KIF6: variants seen among roughly 807,000 people sequenced by gnomAD.
KIF6 encodes the protein kinesin family member 6.
KIF6 carries 106 observed loss-of-function variants against 112.7 expected under a neutral mutation model. The observed-to-expected ratio is 0.94, with a 90% CI of 0.80 to 1.11. The LOEUF (loss-of-function observed/expected upper bound fraction) is 1.11. Among genes scored for constraint, KIF6 ranks in the 50% least tolerant of loss-of-function variants. The pLI, the probability that KIF6 is intolerant of heterozygous loss-of-function variation, is 0.00. For missense variants in KIF6, 929 were observed against 964.0 expected, an observed-to-expected ratio of 0.96 and a Z score of 0.48; for synonymous variants, 339 against 339.9, an observed-to-expected ratio of 1.00 and a Z score of 0.03.
At chr6:39,703,206 AG>A (rs1328067567) in intron 3 of KIF6, among the ~76,000 whole-genome samples, 2 of 150,038 alleles carry the variant, frequency 1.3e-5, no homozygotes, top group Admixed American at 6.6e-5. Flanking sequence ...GACTGAACAA[AG>A]CCCACTGATT....
At chr6:39,382,445 T>A (rs1228599968) in intron 16 of KIF6, among the ~76,000 whole-genome samples, 7 of 152,218 alleles carry the variant, frequency 4.6e-5, no homozygotes, top group African/African-American at 1.7e-4. Flanking sequence ...CTGCGTTAAT[T>A]CATTTGGGAT....
chr6:39,525,724 G>A (rs1163529396), intron 13 of KIF6, among the ~76,000 whole-genome samples: 2 of 152,034 alleles, frequency 1.3e-5, no homozygotes, highest in Admixed American at 6.6e-5. Flanking sequence ...CCTGGGAGGC[G>A]TAAGTTGCAG....
intron 6 of KIF6, among the ~76,000 whole-genome samples, chr6:39,600,507 C>T (rs1782513995): frequency 6.6e-6 from 1 of 152,158 alleles, no homozygotes; most frequent in South Asian, 2.1e-4. Flanking sequence ...GTGATCTGTT[C>T]TTAGCAATGA....
intron 13 of KIF6, among the ~76,000 whole-genome samples, chr6:39,436,917 T>A (rs1296057438): frequency 6.6e-6 from 1 of 152,166 alleles, no homozygotes; most frequent in Non-Finnish European, 1.5e-5. Flanking sequence ...ATATTAGTAT[T>A]TTGATAGGAA....
chr6:39,663,714 G>A (rs1786295125), intron 3 of KIF6, among the ~76,000 whole-genome samples: 2 of 151,910 alleles, frequency 1.3e-5, no homozygotes, highest in African/African-American at 2.4e-5. Flanking sequence ...ACAAGGAGCA[G>A]TAAGTTAAAA....
At chr6:39,659,627 A>G (rs1177882754) in intron 3 of KIF6, among the ~76,000 whole-genome samples, 1 of 152,106 alleles carries the variant, frequency 6.6e-6, no homozygotes, top group Non-Finnish European at 1.5e-5. Context: ...TTCTCATAAG[A>G]TCTGATGGTT....
At chr6:39,403,572 G>T (rs1768868214) in intron 15 of KIF6, among the ~76,000 whole-genome samples, 1 of 152,142 alleles carries the variant, frequency 6.6e-6, no homozygotes, top group South Asian at 2.1e-4. Context: ...GGACATTTGG[G>T]TTACCACCAG....
intron 5 of KIF6, among the ~76,000 whole-genome samples, chr6:39,625,040 C>T (rs1784017999): frequency 6.8e-6 from 1 of 145,986 alleles, no homozygotes; most frequent in African/African-American, 2.6e-5. Context: ...GAAGAGCTCT[C>T]TCTCTCTTTC....
intron 5 of KIF6, among the ~76,000 whole-genome samples, chr6:39,623,565 A>G (rs1783937717): frequency 6.6e-6 from 1 of 152,176 alleles, no homozygotes; most frequent in African/African-American, 2.4e-5. Flanking sequence ...TTCTAAATGG[A>G]TTATTCCTAG....
At chr6:39,357,847 T>C (rs1764831650) in intron 18 of KIF6, among the ~76,000 whole-genome samples, 1 of 152,234 alleles carries the variant, frequency 6.6e-6, no homozygotes, top group Non-Finnish European at 1.5e-5. Flanking sequence ...ACCATAATGA[T>C]GGCTTCAACA....
chr6:39,379,388 T>C (rs1461204197), intron 16 of KIF6, among the ~76,000 whole-genome samples: 1 of 152,276 alleles, frequency 6.6e-6, no homozygotes. Flanking sequence ...AGCATTCATC[T>C]GGCCATTGAC....
chr6:39,430,032 C>T (rs1032506375), intron 14 of KIF6, among the ~76,000 whole-genome samples: 2 of 152,180 alleles, frequency 1.3e-5, no homozygotes, highest in African/African-American at 4.8e-5. Context: ...CTGTACACTT[C>T]CCAGTTCCCT....
At chr6:39,511,201 G>A (rs114953391) in intron 13 of KIF6, among the ~76,000 whole-genome samples, 314 of 152,114 alleles carry the variant, frequency 2.1e-3, no homozygotes, top group African/African-American at 7.3e-3. Flanking sequence ...GTCAGCTCTG[G>A]ACCAAGGTAA....
intron 14 of KIF6, among the ~76,000 whole-genome samples, chr6:39,430,321 T>C (rs4711598): frequency 0.15 from 22,472 of 152,060 alleles, 1,833 homozygotes; most frequent in East Asian, 0.25. Flanking sequence ...ATTCTCAAAC[T>C]CAGATCTCAT....
At chr6:39,449,049 AG>A (rs1772516599) in intron 13 of KIF6, among the ~76,000 whole-genome samples, 1 of 152,230 alleles carries the variant, frequency 6.6e-6, no homozygotes, top group Non-Finnish European at 1.5e-5. Flanking sequence ...CAATCCCTTC[AG>A]AATAATGCCT....
chr6:39,724,627 C>T (rs557965719), intron 1 of KIF6, among the ~76,000 whole-genome samples: 16 of 152,254 alleles, frequency 1.1e-4, no homozygotes, highest in African/African-American at 3.9e-4. Context: ...GGTCAGGATG[C>T]TTAAGCATCT....
intron 13 of KIF6, among the ~76,000 whole-genome samples, chr6:39,442,810 G>C (rs1431948791): frequency 1.3e-5 from 2 of 152,148 alleles, no homozygotes; most frequent in African/African-American, 4.8e-5. Flanking sequence ...GTTTTCTTCA[G>C]CTTAGAAAGA....
chr6:39,595,007 G>T (rs1399673917), intron 7 of KIF6, among the ~76,000 whole-genome samples: 1 of 151,938 alleles, frequency 6.6e-6, no homozygotes, highest in African/African-American at 2.4e-5. Flanking sequence ...GCTAAATTCA[G>T]ATGAATGTTC....
chr6:39,707,910 C>T (rs1449487122), intron 3 of KIF6, among the ~76,000 whole-genome samples: 2 of 152,164 alleles, frequency 1.3e-5, no homozygotes, highest in Non-Finnish European at 2.9e-5. Context: ...AGTCACAGGG[C>T]TAGGGCCAGA....
Sources: allele counts gnomAD v4.1 joint callset (sites outside exome capture counted in the v4.1 genomes callset), GRCh38; gene constraint gnomAD v4.1.1; transcripts MANE v1.5; gene names NCBI Gene and HGNC (gene_info 2026-07-23, HGNC 2026-07-21).